Variants in XIRP2 observed in about 807,000 individuals in gnomAD.
XIRP2 encodes the protein xin actin-binding repeat-containing protein 2.
In XIRP2, 236 loss-of-function variants were observed where a neutral mutation model predicts 277.0. The ratio of observed to expected loss-of-function variants is 0.85; its 90% CI spans 0.77 to 0.95. XIRP2 has a LOEUF of 0.95. Among genes scored for constraint, XIRP2 ranks in the 40% least tolerant of loss-of-function variants. The pLI, the probability that XIRP2 is intolerant of heterozygous loss-of-function variation, is 0.00. For missense variants in XIRP2, 4,640 were observed against 4,157.5 expected (o/e 1.12, Z -3.19); for synonymous variants, 1,490 against 1,416.5 (o/e 1.05, Z -1.17).
At chr2:167,104,574 TA>T (rs1690566442) in intron 2 of XIRP2, among the ~76,000 whole-genome samples, 2 of 152,120 alleles carry the variant, frequency 1.3e-5, no homozygotes, top group African/African-American at 4.8e-5. Flanking sequence ...CTTTGTTTCT[TA>T]GGAATATTAA....
At chr2:167,104,480 C>T (rs1326288048) in intron 2 of XIRP2, among the ~76,000 whole-genome samples, 1 of 152,082 alleles carries the variant, frequency 6.6e-6, no homozygotes, top group Admixed American at 6.6e-5. Flanking sequence ...CATCAGATAA[C>T]TGAGGTATTT....
At chr2:167,142,909 A>G (rs1401981584) in intron 3 of XIRP2, among the ~76,000 whole-genome samples, 1 of 152,090 alleles carries the variant, frequency 6.6e-6, no homozygotes, top group Non-Finnish European at 1.5e-5. Flanking sequence ...AGTGATTTTG[A>G]AAAAATGGAA....
chr2:167,104,288 G>A (rs975609193), intron 2 of XIRP2, among the ~76,000 whole-genome samples: 25 of 152,058 alleles, frequency 1.6e-4, no homozygotes, highest in South Asian at 6.2e-4. Context: ...CAAAAGAAGC[G>A]CATACTGATA....
chr2:167,005,915 G>A (rs1687492737), intron 2 of XIRP2, among the ~76,000 whole-genome samples: 1 of 151,830 alleles, frequency 6.6e-6, no homozygotes, highest in Non-Finnish European at 1.5e-5. Flanking sequence ...GTATGCATGA[G>A]GACAGCAGCA....
chr2:167,035,041 G>T (rs1011227337), intron 2 of XIRP2, among the ~76,000 whole-genome samples: 1 of 152,184 alleles, frequency 6.6e-6, no homozygotes, highest in African/African-American at 2.4e-5. Context: ...CACCATGCAA[G>T]AAGTGTCTTT....
At chr2:166,931,694 A>G (rs756087758) in intron 2 of XIRP2, among the ~76,000 whole-genome samples, 14 of 152,044 alleles carry the variant, frequency 9.2e-5, no homozygotes, top group Non-Finnish European at 2.1e-4. Context: ...AGTTGTTTTC[A>G]TTGTTTTACT....
rs1265006926 is a variant in XIRP2, at chr2:167,243,050, C to T, written c.1658C>T (p.Ser553Phe). 1 of 1,613,976 alleles carries T rather than the reference C, an allele frequency of 6.2e-7. No homozygotes were observed. Among genetic ancestry groups the T allele is most frequent in the Admixed American group, 1.7e-5 (1 of 60,006 alleles). Reference protein sequence around the residue: ...RYVFENTNDSSQKDLNSEREY... With the variant: ...RYVFENTNDSFQKDLNSEREY... ...GTTTTTGAAAACACAAATGACAGTT[C>T]TCAAAAAGATCTGAACTCAGAAAGA... The change falls in exon 9 of 11, where the codon TCT becomes TTT. Residue 553 changes from serine (S) to phenylalanine (F), a missense_variant. Coordinates refer to ENST00000409195, the MANE Select transcript of XIRP2 (RefSeq NM_152381.6).
At chr2:167,145,290 A>G (rs994010893) in intron 3 of XIRP2, among the ~76,000 whole-genome samples, 9 of 152,330 alleles carry the variant, frequency 5.9e-5, no homozygotes, top group Middle Eastern at 3.4e-3. Context: ...AGCACAAATT[A>G]AAATGGAAGT....
chr2:167,230,469 G>C (rs114174908), intron 5 of XIRP2, among the ~76,000 whole-genome samples: 2,052 of 152,000 alleles, frequency 0.013, 51 homozygotes, highest in African/African-American at 0.047. Flanking sequence ...CTACATAAGG[G>C]ATTATGATAA....
chr2:166,966,960 C>G (rs1407070585), intron 2 of XIRP2, among the ~76,000 whole-genome samples: 3 of 151,942 alleles, frequency 2.0e-5, no homozygotes, highest in Non-Finnish European at 2.9e-5. Context: ...CCTGATTTTG[C>G]TTTTGGAACA....
chr2:167,147,846 G>A (rs1340251084), intron 3 of XIRP2, among the ~76,000 whole-genome samples: 1 of 152,002 alleles, frequency 6.6e-6, no homozygotes, highest in Non-Finnish European at 1.5e-5. Context: ...CTGGACACGG[G>A]GATTTAAAAC....
At chr2:167,152,248 T>C (rs1397160938) in intron 3 of XIRP2, among the ~76,000 whole-genome samples, 2 of 152,036 alleles carry the variant, frequency 1.3e-5, no homozygotes, top group Non-Finnish European at 2.9e-5. Flanking sequence ...TTGAGATGTA[T>C]CCGCCCCATA....
At chr2:167,155,016 A>G (rs369799769) in intron 3 of XIRP2, among the ~76,000 whole-genome samples, 5 of 151,674 alleles carry the variant, frequency 3.3e-5, no homozygotes, top group Non-Finnish European at 4.4e-5. Flanking sequence ...TAAATTCCTC[A>G]ACACATACAC....
At chr2:166,913,276 T>G (rs1469102670) in intron 2 of XIRP2, among the ~76,000 whole-genome samples, 1 of 151,328 alleles carries the variant, frequency 6.6e-6, no homozygotes, top group Non-Finnish European at 1.5e-5. Flanking sequence ...CCTGGCCACT[T>G]TGTTTACCTA....
rs191076893 is a variant in XIRP2, at chr2:166,958,607, G to T, written c.408+54717G>T. On this transcript the variant is annotated intron_variant, in intron 2 of 10. Coordinates refer to ENST00000409195, the MANE Select transcript of XIRP2 (RefSeq NM_152381.6). ...CTGTGCAAATAAAATAAAATAAAAT[G>T]CCTGCCTCTTAGGGTTGTGAGGATA... Among the ~76,000 whole-genome samples the T allele has an allele frequency of 8.6e-4, 130 of 151,804 alleles. 2 individuals carry two copies. The East Asian group carries it at 0.021, about 25-fold the overall frequency.
intron 2 of XIRP2, among the ~76,000 whole-genome samples, chr2:166,970,424 T>A (rs1392807819): frequency 6.6e-6 from 1 of 152,008 alleles, no homozygotes; most frequent in Admixed American, 6.6e-5. Flanking sequence ...TTTATTTTGC[T>A]TTTCCCAGTT....
intron 2 of XIRP2, among the ~76,000 whole-genome samples, chr2:166,932,047 T>A (rs546879096): frequency 6.6e-6 from 1 of 152,212 alleles, no homozygotes; most frequent in Non-Finnish European, 1.5e-5. Flanking sequence ...ATCGCACATA[T>A]GGATATCTTC....
rs541057788 is a variant in XIRP2, at chr2:167,144,818, C to T, written c.562+8756C>T. 1.1e-4 allele frequency among the ~76,000 whole-genome samples: 17 copies of T among 152,120 alleles called. No individual in the cohort carries two copies. The South Asian group carries it at 2.5e-3, about 22-fold the overall frequency. On this transcript the variant is annotated intron_variant, in intron 3 of 10. Transcript: ENST00000409195. ...CCAATTGCTTCATAGTTATATTGTA[C>T]GTGGGAAGCTATTAAGAAACTTTAA...
chr2:167,002,554 A>C (rs1687400805), intron 2 of XIRP2, among the ~76,000 whole-genome samples: 1 of 151,974 alleles, frequency 6.6e-6, no homozygotes, highest in South Asian at 2.1e-4. Flanking sequence ...TTAATGTCTT[A>C]AGGTACAACT....
Sources: allele counts gnomAD v4.1 joint callset (sites outside exome capture counted in the v4.1 genomes callset), GRCh38; gene constraint gnomAD v4.1.1; transcripts MANE v1.5; gene names NCBI Gene and HGNC (gene_info 2026-07-23, HGNC 2026-07-21).